RNF25: variants seen among roughly 807,000 people sequenced by gnomAD.
RNF25 encodes ring finger protein 25, also known as E3 ubiquitin-protein ligase RNF25.
RNF25 carries 32 observed loss-of-function variants against 65.0 expected under a neutral mutation model. The observed-to-expected ratio is 0.49, with a 90% CI of 0.37 to 0.66. RNF25 has a LOEUF of 0.66. Among genes scored for constraint, RNF25 ranks in the 30% least tolerant of loss-of-function variants. The probability of loss-of-function intolerance (pLI) is 0.00; values close to 1 mark genes in which losing one functional copy is unlikely to be tolerated. For missense variants in RNF25, 493 were observed against 584.8 expected (o/e 0.84, Z 1.62); for synonymous variants, 207 against 221.2 (o/e 0.94, Z 0.57).
Position 218,664,685 on chromosome 2 carries a change from G to T in RNF25, c.801+54C>A. On this transcript the variant is annotated intron_variant, in intron 9 of 9. Coordinates refer to ENST00000295704, the MANE Select transcript of RNF25 (RefSeq NM_022453.3). The surrounding 1 kb of genome is among the most constrained non-coding windows in gnomAD (Gnocchi z 5.1). ...TCACTCTGGGGCCATGGCTGATTGG[G>T]GTTTGTAGAAAGGTTGGTGGCATTA... The T allele has an allele frequency of 1.2e-6, 2 of 1,610,902 alleles. No homozygotes were observed. The highest frequency in any genetic ancestry group is 1.7e-6 in the Non-Finnish European group (2 of 1,177,878).
In RNF25 at chr2:218,668,093, A is replaced by G. The variant is rs1391841184; in HGVS notation, c.273T>C (p.Asp91=). 6.2e-7 allele frequency: 1 copy of G among 1,613,938 alleles called. No homozygotes were observed. The highest frequency in any genetic ancestry group is 1.1e-5 in the South Asian group (1 of 91,054). ...ISIRNPRGLS[D]EQIHTILQVL... The stretch of plus-strand genomic sequence containing the variant: ...GTTCAACTTACGTGTGGATCTGTTC[A>G]TCTGAAAGTCCTCGGGGATTTCGGA... The change falls in exon 4 of 10, where the codon GAT becomes GAC. Residue 91 remains aspartate (D), a synonymous_variant. Coordinates refer to ENST00000295704, the MANE Select transcript of RNF25 (RefSeq NM_022453.3).
At chr2:218,666,648 A>T (rs1050846308) in intron 5 of RNF25, among the ~76,000 whole-genome samples, 6 of 152,236 alleles carry the variant, frequency 3.9e-5, no homozygotes, top group African/African-American at 1.4e-4. Flanking sequence ...ATGACAAGGC[A>T]TGGACAACCC....
chr2:218,670,570 C>A (rs1036105110), intron 1 of RNF25, among the ~76,000 whole-genome samples: 31 of 151,846 alleles, frequency 2.0e-4, no homozygotes, highest in African/African-American at 7.5e-4. Context: ...GTGGCGGGCG[C>A]CTGTAGTCCC....
intron 3 of RNF25, 43 bp downstream of exon 3, chr2:218,668,196 C>T (rs1244727484): frequency 1.2e-6 from 2 of 1,611,506 alleles, no homozygotes; most frequent in Non-Finnish European, 1.7e-6. Flanking sequence ...ACCCCAGGGA[C>T]TCTCCCCTTC....
At chr2:218,671,477 C>T (rs1291097764) in intron 1 of RNF25, among the ~76,000 whole-genome samples, 1 of 152,082 alleles carries the variant, frequency 6.6e-6, no homozygotes, top group Non-Finnish European at 1.5e-5. Context: ...CAATAGTCCT[C>T]ACTAGTGCTG....
Position 218,668,078 on chromosome 2 carries a change from C to A in RNF25, c.287+1G>T, listed in dbSNP as rs1166713817. ...TCCCTGTTCTGACAGGTTCAACTTA[C>A]GTGTGGATCTGTTCATCTGAAAGTC... is the stretch of plus-strand genomic sequence containing the variant. On this transcript the variant is annotated splice_donor_variant, in intron 4 of 9. Transcript: ENST00000295704. LOFTEE classifies it high-confidence loss of function. 5 of 1,613,912 alleles carry A rather than the reference C, an allele frequency of 3.1e-6. No homozygotes were observed. The highest frequency in any genetic ancestry group is 1.7e-5 in the Admixed American group (1 of 60,002).
intron 7 of RNF25, 148 bp downstream of exon 7, chr2:218,665,768 T>C: frequency 9.3e-7 from 1 of 1,073,916 alleles, no homozygotes; most frequent in Non-Finnish European, 1.3e-6. Flanking sequence ...GGATGCCCTT[T>C]ATTCTGGACA....
At position 218,671,955 on chromosome 2, in the gene RNF25, A is replaced by G; in HGVS notation, c.16T>C (p.Ser6Pro). 6.2e-7 allele frequency: 1 copy of G among 1,614,206 alleles called. No individual in the cohort carries two copies. Among genetic ancestry groups the G allele is most frequent in the Non-Finnish European group, 8.5e-7 (1 of 1,180,030 alleles). The change falls in exon 1 of 10, where the codon TCT becomes CCT. Residue 6 changes from serine (S) to proline (P), a missense_variant. Coordinates refer to ENST00000295704, the MANE Select transcript of RNF25 (RefSeq NM_022453.3). ...CAGTCCTCCTCCCCTGCAGCTGCAG[A>G]CGCAGACGCCGCCATATCTTCACCG... is the stretch of plus-strand genomic sequence containing the variant. MAASASAAAGEEDWVL... is the reference protein window; with the variant it reads MAASAPAAAGEEDWVL...
In RNF25 at chr2:218,667,973, T is replaced by C. The variant is rs766529871; in HGVS notation, c.296A>G (p.Gln99Arg). The change falls in exon 5 of 10, where the codon CAG becomes CGG. Residue 99 changes from glutamine (Q) to arginine (R), a missense_variant. Around this residue, in one of 3 missense-constraint regions of RNF25, gnomAD observed 108 missense variants for 166.0 expected, o/e 0.65. Coordinates refer to ENST00000295704, the MANE Select transcript of RNF25 (RefSeq NM_022453.3). ...AGCCTTGGCCACGTGGCCCAGCACC[T>C]GTAAGATCCTGGAGGAAGAGGGCAA... ...LSDEQIHTIL[Q>R]VLGHVAKAGL... 1.2e-6 allele frequency: 2 copies of C among 1,614,070 alleles called. No individual in the cohort carries two copies. Among genetic ancestry groups the C allele is most frequent in the South Asian group, 2.2e-5 (2 of 91,084 alleles).
rs2106335356 is a variant in RNF25 at position 218,664,888 on chromosome 2, G to T, written c.667-15C>A. ...TGGTACAGCTCCTGGAAGGAAGAAT[G>T]GCAGAGAGGAAATAATGAACAGCAG... On this transcript the variant is annotated splice_polypyrimidine_tract_variant and intron_variant, in intron 8 of 9. Transcript: ENST00000295704. This position sits in a 1 kb window ranked among gnomAD's most constrained non-coding sequence, Gnocchi z 5.1. 2.5e-6 allele frequency: 4 copies of T among 1,613,798 alleles called. No homozygotes were observed. In the East Asian group the frequency reaches 8.9e-5, roughly 36 times the overall value.
chr2:218,671,922 A>G lies in RNF25; in HGVS notation c.41+8T>C, dbSNP rs762818562. The G allele has an allele frequency of 8.1e-6, 13 of 1,614,038 alleles. No homozygotes were observed. The highest frequency in any genetic ancestry group is 1.3e-5 in the African/African-American group (1 of 74,922). Reference sequence around the variant, plus strand: ...GCTGTCAGCCAAAGCCCATGCCCCCAAAGTTACCAGTCCTCCTCCCCTGCA... The same window carrying G: ...GCTGTCAGCCAAAGCCCATGCCCCCGAAGTTACCAGTCCTCCTCCCCTGCA... On this transcript the variant is annotated splice_region_variant and intron_variant, in intron 1 of 9. Transcript: ENST00000295704.
In RNF25 at chr2:218,664,614, T is replaced by C; in HGVS notation, c.802-79A>G. 1 of 1,576,754 alleles carries C rather than the reference T, an allele frequency of 6.3e-7. No individual in the cohort carries two copies. Among genetic ancestry groups the C allele is most frequent in the Non-Finnish European group, 8.6e-7 (1 of 1,156,494 alleles). On this transcript the variant is annotated intron_variant, in intron 9 of 9. Transcript: ENST00000295704. The surrounding 1 kb of genome is among the most constrained non-coding windows in gnomAD (Gnocchi z 5.1). ...AACTACAGGCCCCTCTCCTACTATC[T>C]GGGCTGACCACGATCAGCCTATCAT...
intron 2 of RNF25, 21 bp downstream of exon 2, chr2:218,668,584 C>T: frequency 6.4e-7 from 1 of 1,569,560 alleles, no homozygotes; most frequent in Admixed American, 1.7e-5. Context: ...GACTCCTGCC[C>T]ACCACTGGTT....
intron 5 of RNF25, among the ~76,000 whole-genome samples, chr2:218,666,989 A>C (rs1939836779): frequency 6.6e-6 from 1 of 152,052 alleles, no homozygotes; most frequent in Non-Finnish European, 1.5e-5. Context: ...GCCAACATGG[A>C]GAAACCCCAT....
At chr2:218,671,649 GGAGA>G (rs1471213538) in intron 1 of RNF25, among the ~76,000 whole-genome samples, 2 of 152,152 alleles carry the variant, frequency 1.3e-5, no homozygotes, top group African/African-American at 4.8e-5. Context: ...CATTTGAGGA[GGAGA>G]GAAAGGGATG....
At position 218,664,978 on chromosome 2, in the gene RNF25, C is replaced by CA. The variant is rs1454887737; in HGVS notation, c.667-106dup. ...GGAGATCTGCACTGGTTTTGCCCCT[C>CA]AGGTCTGGGCTCCCAGAGTCTTAGG... On this transcript the variant is annotated intron_variant, in intron 8 of 9. Coordinates refer to ENST00000295704, the MANE Select transcript of RNF25 (RefSeq NM_022453.3). This position sits in a 1 kb window ranked among gnomAD's most constrained non-coding sequence, Gnocchi z 5.1. The CA allele has an allele frequency of 5.9e-6, 9 of 1,521,164 alleles. No homozygotes were observed. The East Asian group carries it at 1.2e-4, about 20-fold the overall frequency. The allele number at this position is 1,521,164 out of a possible 1,614,324, so 94.2% of individuals were successfully genotyped here. A position where few individuals can be genotyped will look rare whatever the true frequency, so the allele number is the denominator to read the frequency against.
At chr2:218,668,545 A>G in intron 2 of RNF25, 60 bp downstream of exon 2, 1 of 1,258,314 alleles carries the variant, frequency 7.9e-7, no homozygotes, top group Non-Finnish European at 1.2e-6. Flanking sequence ...ACCCAAATTC[A>G]GCATAGAACC....
rs1559323414 is a variant in RNF25 at position 218,669,024 on chromosome 2, AGAGATATG to A, written c.42-353_42-346del. Among the ~76,000 whole-genome samples the A allele has an allele frequency of 2.6e-5, 4 of 152,374 alleles. No individual in the cohort carries two copies. In the South Asian group the frequency reaches 6.2e-4, roughly 24 times the overall value. ...CCCTTAGTGGCTGAATCTCTGGTCT[AGAGATATG>A]GCACTCATTCATTAGCATTAACGTT... On this transcript the variant is annotated intron_variant, in intron 1 of 9. Coordinates refer to ENST00000295704, the MANE Select transcript of RNF25 (RefSeq NM_022453.3).
At chr2:218,670,627 C>T (rs1344438678) in intron 1 of RNF25, among the ~76,000 whole-genome samples, 3 of 134,882 alleles carry the variant, frequency 2.2e-5, no homozygotes, top group South Asian at 2.5e-4. Flanking sequence ...ACCCGGGAGG[C>T]GGAGCTTGCA....
Sources: allele counts gnomAD v4.1 joint callset (sites outside exome capture counted in the v4.1 genomes callset), GRCh38; gene constraint gnomAD v4.1.1; regional missense constraint gnomAD v4.1.1; non-coding constraint Gnocchi (gnomAD v3.1); transcripts MANE v1.5; gene names NCBI Gene and HGNC (gene_info 2026-07-23, HGNC 2026-07-21).